Variants in TMEM182 observed in about 807,000 individuals in gnomAD.
TMEM182 encodes the protein transmembrane protein 182.
In TMEM182, 20 loss-of-function variants were observed where a neutral mutation model predicts 26.8. The ratio of observed to expected loss-of-function variants is 0.75; its 90% CI spans 0.53 to 1.09. TMEM182 has a LOEUF of 1.09. Ranked by LOEUF, TMEM182 falls within the 50% of genes least tolerant of loss-of-function variation. The pLI, the probability that TMEM182 is intolerant of heterozygous loss-of-function variation, is 0.00. For synonymous variants in TMEM182, 109 were observed against 102.2 expected (o/e 1.07, Z -0.40); for missense variants, 277 against 275.5 (o/e 1.01, Z -0.04).
intron 1 of TMEM182, 115 bp downstream of exon 1, chr2:102,762,464 G>T (rs1203989533): frequency 6.5e-7 from 1 of 1,530,602 alleles, no homozygotes; most frequent in Non-Finnish European, 8.9e-7. Context: ...GAAGAGATAT[G>T]TAGAAAGCTA....
chr2:102,759,872 T>G (rs1680155013), upstream of TMEM182, among the ~76,000 whole-genome samples: 2 of 152,176 alleles, frequency 1.3e-5, no homozygotes, highest in Admixed American at 1.3e-4. Context: ...TGTCTGACCC[T>G]TTTGCTGTGG....
intron 3 of TMEM182, among the ~76,000 whole-genome samples, chr2:102,838,127 A>G (rs1485409025): frequency 6.6e-6 from 1 of 152,100 alleles, no homozygotes; most frequent in East Asian, 1.9e-4. Context: ...TTCTTGATAA[A>G]CCTAATTCTC....
chr2:102,823,843 G>A (rs1682975133), intron 3 of TMEM182, among the ~76,000 whole-genome samples: 1 of 152,204 alleles, frequency 6.6e-6, no homozygotes, highest in Admixed American at 6.5e-5. Context: ...CTGTCCAAAA[G>A]CCATCCACTG....
chr2:102,753,650 C>T (rs372761154), intron 1 of TMEM182, among the ~76,000 whole-genome samples: 7 of 152,162 alleles, frequency 4.6e-5, no homozygotes, highest in East Asian at 3.9e-4. Flanking sequence ...GGATTACAGA[C>T]ATAAACCACC....
intron 3 of TMEM182, among the ~76,000 whole-genome samples, chr2:102,825,090 A>T (rs548888782): frequency 6.6e-6 from 1 of 152,358 alleles, no homozygotes; most frequent in East Asian, 1.9e-4. Flanking sequence ...TAATCATGAA[A>T]TGATGAGCCT....
At chr2:102,757,943 C>G (rs1040689312), upstream of TMEM182, among the ~76,000 whole-genome samples, 5 of 152,138 alleles carry the variant, frequency 3.3e-5, no homozygotes, top group East Asian at 9.6e-4. Flanking sequence ...CTCATGAGAA[C>G]TCACTCACTA....
intron 3 of TMEM182, among the ~76,000 whole-genome samples, chr2:102,768,467 T>A (rs1023183836): frequency 1.3e-5 from 2 of 151,294 alleles, no homozygotes; most frequent in Non-Finnish European, 2.9e-5. Context: ...GGCGGGCAGA[T>A]CACTTGAGGT....
In TMEM182 at chr2:102,814,834, A is replaced by C; in HGVS notation, c.556A>C (p.Lys186Gln). The change falls in exon 5 of 5, where the codon AAG becomes CAG. Residue 186 changes from lysine to glutamine, a missense_variant. Lys to Gln is a moderately conservative substitution (Grantham distance 53, BLOSUM62 1). Coordinates refer to ENST00000412401, the MANE Select transcript of TMEM182 (RefSeq NM_144632.5). ...DMESYRNMKM[K>Q]DCLDFTPSVL... Reference sequence around the variant, plus strand: ...GGAAAGCTACCGAAACATGAAAATGAAGGACTGCCTGGATTTCACCCCTTC... The same window carrying C: ...GGAAAGCTACCGAAACATGAAAATGCAGGACTGCCTGGATTTCACCCCTTC... The C allele has an allele frequency of 6.2e-7, 1 of 1,613,930 alleles. No homozygotes were observed. The highest frequency in any genetic ancestry group is 1.1e-5 in the South Asian group (1 of 91,062).
At chr2:102,837,487 G>GAATA (rs2104780422) in intron 3 of TMEM182, among the ~76,000 whole-genome samples, 1 of 139,406 alleles carries the variant, frequency 7.2e-6, no homozygotes, top group East Asian at 2.4e-4. Context: ...AGAGTTGAGG[G>GAATA]AATAGGCCAG....
At chr2:102,739,803 T>C (rs980288444) in intron 1 of TMEM182, among the ~76,000 whole-genome samples, 6 of 152,176 alleles carry the variant, frequency 3.9e-5, no homozygotes, top group African/African-American at 1.4e-4. Context: ...AATGCAAGAA[T>C]GGACTAATAC....
At chr2:102,753,082 C>G (rs1213687691) in intron 1 of TMEM182, among the ~76,000 whole-genome samples, 1 of 152,114 alleles carries the variant, frequency 6.6e-6, no homozygotes, top group African/African-American at 2.4e-5. Flanking sequence ...TAAAATTCCC[C>G]AAATTCTGTA....
At chr2:102,756,909 G>A (rs547513642) in intron 1 of TMEM182, among the ~76,000 whole-genome samples, 153 of 152,192 alleles carry the variant, frequency 1.0e-3, no homozygotes, top group Non-Finnish European at 1.9e-3. Context: ...CACCTCCGGG[G>A]TTGAAGCAAT....
At chr2:102,819,729 A>G (rs1172908788), downstream of TMEM182, among the ~76,000 whole-genome samples, 2 of 152,222 alleles carry the variant, frequency 1.3e-5, no homozygotes, top group African/African-American at 4.8e-5. Flanking sequence ...ATATGTGCAT[A>G]TACACATATC....
chr2:102,791,342 A>C (rs1681626980), intron 3 of TMEM182, among the ~76,000 whole-genome samples: 1 of 152,234 alleles, frequency 6.6e-6, no homozygotes, highest in South Asian at 2.1e-4. Context: ...GTTACACAGA[A>C]TATGTTGATA....
chr2:102,799,767 A>G (rs1682035613), intron 4 of TMEM182, among the ~76,000 whole-genome samples: 1 of 152,146 alleles, frequency 6.6e-6, no homozygotes, highest in Non-Finnish European at 1.5e-5. Context: ...CAATTTTTAC[A>G]CAGAAAGGTG....
chr2:102,764,189 C>T, intron 2 of TMEM182, 140 bp from the exon 3 acceptor site: 1 of 773,922 alleles, frequency 1.3e-6, no homozygotes, highest in Non-Finnish European at 2.1e-6. Context: ...CTCCTCACAA[C>T]AATTCGCTGA....
Position 102,773,283 on chromosome 2 carries a change from C to T in TMEM182, c.331+8856C>T, listed in dbSNP as rs756474378. On this transcript the variant is annotated intron_variant, in intron 3 of 4. Transcript: ENST00000412401. The stretch of plus-strand genomic sequence containing the variant: ...ATCAGATGAAGCAACATAGCTTGGC[C>T]GATTACACAGTAGTTAGAAGATGAT... 4.6e-5 allele frequency among the ~76,000 whole-genome samples: 7 copies of T among 151,698 alleles called. No homozygotes were observed. In the South Asian group the frequency reaches 6.3e-4, roughly 14 times the overall value.
chr2:102,787,861 C>T (rs1001614305), intron 3 of TMEM182, among the ~76,000 whole-genome samples: 1 of 152,142 alleles, frequency 6.6e-6, no homozygotes, highest in African/African-American at 2.4e-5. Flanking sequence ...CTCTCTGAGC[C>T]TCATCTGTAA....
At chr2:102,828,321 C>T (rs920786578) in intron 3 of TMEM182, among the ~76,000 whole-genome samples, 2 of 151,976 alleles carry the variant, frequency 1.3e-5, no homozygotes, top group African/African-American at 4.8e-5. Context: ...ATTGCTAGCA[C>T]GTAAGGGAAA....
Sources: allele counts gnomAD v4.1 joint callset (sites outside exome capture counted in the v4.1 genomes callset), GRCh38; gene constraint gnomAD v4.1.1; transcripts MANE v1.5; gene names NCBI Gene and HGNC (gene_info 2026-07-23, HGNC 2026-07-21).